TMC1: variants seen among roughly 807,000 people sequenced by gnomAD.
TMC1 encodes the protein transmembrane channel-like protein 1.
TMC1 carries 84 observed loss-of-function variants against 105.8 expected under a neutral mutation model. That is an observed-to-expected ratio of 0.79 (90% CI 0.67 to 0.95). The LOEUF (loss-of-function observed/expected upper bound fraction) is 0.95, where lower values mean the gene tolerates loss of function less well. TMC1 is among the 40% of genes least tolerant of loss of function. The probability of loss-of-function intolerance (pLI) is 0.00; values close to 1 mark genes in which losing one functional copy is unlikely to be tolerated. For missense variants in TMC1, 817 were observed against 914.1 expected (o/e 0.89, Z 1.37); for synonymous variants, 315 against 311.5 (o/e 1.01, Z -0.12).
intron 4 of TMC1, among the ~76,000 whole-genome samples, chr9:72,632,751 T>G (rs2132136759): frequency 6.6e-6 from 1 of 152,288 alleles, no homozygotes; most frequent in East Asian, 1.9e-4. Context: ...TTCTTTAAAC[T>G]ATATTAATTG....
At chr9:72,597,043 T>C (rs748237931) in intron 2 of TMC1, among the ~76,000 whole-genome samples, 7 of 152,350 alleles carry the variant, frequency 4.6e-5, no homozygotes, top group South Asian at 4.1e-4. Context: ...CCCAGACTGC[T>C]GAGGGCTTTG....
intron 1 of TMC1, among the ~76,000 whole-genome samples, chr9:72,553,973 A>G (rs891218194): frequency 1.3e-5 from 2 of 152,206 alleles, no homozygotes; most frequent in Admixed American, 6.5e-5. Context: ...ACTTATACCA[A>G]TGAAAATCCT....
chr9:72,650,745 C>T (rs988121289), intron 5 of TMC1, among the ~76,000 whole-genome samples: 6 of 151,050 alleles, frequency 4.0e-5, no homozygotes, highest in South Asian at 4.2e-4. Flanking sequence ...TAAATGAGAA[C>T]GTGGTATTTG....
At chr9:72,755,071 G>GGAGAGAGAGA (rs55848138) in intron 12 of TMC1, among the ~76,000 whole-genome samples, 187 bp downstream of exon 12, 2 of 126,928 alleles carry the variant, frequency 1.6e-5, no homozygotes, top group Non-Finnish European at 3.2e-5. Flanking sequence ...AGGGAGGGAG[G>GGAGAGAGAGA]GAGAGAGAGA....
At chr9:72,560,553 C>A (rs1824026733) in intron 1 of TMC1, among the ~76,000 whole-genome samples, 1 of 152,072 alleles carries the variant, frequency 6.6e-6, no homozygotes, top group African/African-American at 2.4e-5. Flanking sequence ...GACTGGAGTG[C>A]AATGACGCGA....
intron 4 of TMC1, among the ~76,000 whole-genome samples, chr9:72,642,960 A>G (rs569211448): frequency 1.3e-5 from 2 of 152,186 alleles, no homozygotes; most frequent in Non-Finnish European, 1.5e-5. Context: ...TTGCCTTTTC[A>G]AGAGTGTCAA....
At chr9:72,637,731 T>C (rs1271660294) in intron 4 of TMC1, among the ~76,000 whole-genome samples, 3 of 152,162 alleles carry the variant, frequency 2.0e-5, no homozygotes, top group Non-Finnish European at 1.5e-5. Context: ...TGAAAGTAAC[T>C]TGACAAATAA....
chr9:72,531,670 A>G (rs928800104), intron 1 of TMC1, among the ~76,000 whole-genome samples: 2 of 152,204 alleles, frequency 1.3e-5, no homozygotes, highest in African/African-American at 2.4e-5. Flanking sequence ...GTTAATCCGT[A>G]TTACTCTTAC....
intron 4 of TMC1, among the ~76,000 whole-genome samples, chr9:72,633,973 G>A (rs1825490923): frequency 2.0e-5 from 3 of 152,186 alleles, no homozygotes; most frequent in African/African-American, 7.2e-5. Flanking sequence ...TGGTGTTGCA[G>A]TAGAGAAAGC....
intron 1 of TMC1, among the ~76,000 whole-genome samples, chr9:72,576,634 T>C (rs867705953): frequency 4.4e-5 from 4 of 90,006 alleles, no homozygotes; most frequent in African/African-American, 2.2e-4. Context: ...TTTTTTTTTC[T>C]TTTTTTTTTT....
In TMC1 at chr9:72,646,479, T is replaced by C. The variant is rs186071448; in HGVS notation, c.-52-2118T>C. Among the ~76,000 whole-genome samples the C allele has an allele frequency of 1.9e-3, 283 of 152,308 alleles. 5 individuals are homozygous for C. Among genetic ancestry groups the C allele is most frequent in the Non-Finnish European group, 2.5e-4 (17 of 68,014 alleles). ...AAAAATACATGACAATTCATACCCG[T>C]ACCTGTAGTGGTCTTGATTTCCATT... On this transcript the variant is annotated intron_variant, in intron 4 of 23. Coordinates refer to ENST00000297784, the MANE Select transcript of TMC1 (RefSeq NM_138691.3).
In TMC1 at chr9:72,700,562, C is replaced by CA; in HGVS notation, c.282dup (p.Glu95ArgfsTer4). ...GAAGAGGAATTGGAAAGATTGAAGG[C>CA]AGAGTTAGATGAGAAAAGACAAATA... On this transcript the variant is annotated frameshift_variant, in exon 8 of 24. Transcript: ENST00000297784. LOFTEE classifies it high-confidence loss of function. The CA allele has an allele frequency of 6.2e-7, 1 of 1,603,102 alleles. No homozygotes were observed. The highest frequency in any genetic ancestry group is 8.5e-7 in the Non-Finnish European group (1 of 1,172,746).
chr9:72,791,092 T>C (rs1466370835), intron 15 of TMC1, among the ~76,000 whole-genome samples: 2 of 152,138 alleles, frequency 1.3e-5, no homozygotes, highest in Non-Finnish European at 2.9e-5. Flanking sequence ...TTCTTTTTAT[T>C]GACTTCCTTT....
intron 13 of TMC1, among the ~76,000 whole-genome samples, chr9:72,775,513 T>C (rs781393812): frequency 6.6e-6 from 1 of 152,230 alleles, no homozygotes; most frequent in Non-Finnish European, 1.5e-5. Flanking sequence ...AGCTAAAAAT[T>C]TGGGGTTTTA....
At chr9:72,569,560 T>C (rs535742856) in intron 1 of TMC1, among the ~76,000 whole-genome samples, 18 of 152,104 alleles carry the variant, frequency 1.2e-4, no homozygotes, top group Non-Finnish European at 2.4e-4. Flanking sequence ...GTTGGCCAAA[T>C]GAACTATTCT....
At chr9:72,770,168 G>A (rs1181918608) in intron 12 of TMC1, among the ~76,000 whole-genome samples, 1 of 151,908 alleles carries the variant, frequency 6.6e-6, no homozygotes, top group Non-Finnish European at 1.5e-5. Context: ...CACTCCCTCT[G>A]CTTGAGGTTT....
intron 9 of TMC1, among the ~76,000 whole-genome samples, 167 bp from the exon 10 acceptor site, chr9:72,742,277 C>T (rs992414619): frequency 6.6e-6 from 1 of 152,132 alleles, no homozygotes; most frequent in African/African-American, 2.4e-5. Flanking sequence ...TAGTGGAGAA[C>T]AGGGAAACAA....
chr9:72,768,355 G>A (rs1209339486), intron 12 of TMC1, among the ~76,000 whole-genome samples: 1 of 152,116 alleles, frequency 6.6e-6, no homozygotes, highest in Admixed American at 6.5e-5. Context: ...GATAGCATTA[G>A]AAGGAATACC....
intron 2 of TMC1, among the ~76,000 whole-genome samples, chr9:72,578,553 A>G (rs1824426115): frequency 2.0e-5 from 3 of 152,122 alleles, no homozygotes; most frequent in Non-Finnish European, 4.4e-5. Context: ...GATCTTGGCA[A>G]TGGGGCAGGC....
Sources: gnomAD v4.1 joint callset for allele counts (sites outside exome capture counted in the v4.1 genomes callset) on GRCh38, gnomAD v4.1.1 for gene constraint, MANE v1.5 for transcripts, NCBI Gene and HGNC (gene_info 2026-07-23, HGNC 2026-07-21) for gene names.